YTHDF1: variants seen among roughly 807,000 people sequenced by gnomAD.
The protein encoded by YTHDF1 is YTH N6-methyladenosine RNA binding protein F1.
Under a neutral mutation model 49.1 loss-of-function variants are expected in YTHDF1, and 16 were observed. That is an observed-to-expected ratio of 0.33 (90% confidence interval 0.22 to 0.49). The LOEUF is 0.49. Among genes scored for constraint, YTHDF1 ranks in the 20% least tolerant of loss-of-function variants. The pLI, the probability that YTHDF1 is intolerant of heterozygous loss-of-function variation, is 0.99. For synonymous variants in YTHDF1, 313 were observed against 290.1 expected (o/e 1.08, Z -0.80); for missense variants, 621 against 744.3 (o/e 0.83, Z 1.93).
intron 4 of YTHDF1, among the ~76,000 whole-genome samples, chr20:63,201,971 C>T (rs1452619493): frequency 2.0e-5 from 3 of 152,246 alleles, no homozygotes; most frequent in Admixed American, 6.5e-5. Flanking sequence ...GAGAAAGTTA[C>T]CCTCAAATTC....
rs1317481941 is a variant in YTHDF1, at chr20:63,196,590, A to C, written c.*118T>G. 5.8e-6 allele frequency: 7 copies of C among 1,202,920 alleles called. No individual in the cohort carries two copies. The highest frequency in any genetic ancestry group is 8.3e-6 in the Non-Finnish European group (7 of 843,986). 74.5% of individuals were successfully genotyped at this position (1,202,920 alleles called of 1,614,324 possible). On this transcript the variant is annotated 3_prime_UTR_variant, in exon 5 of 5. Transcript: ENST00000370339. ...TCTGGGCAAAAATCAACGACAAGAA[A>C]GGCAAAGATGCAACACTCAACCCCC...
rs956691975 is a variant in YTHDF1, at chr20:63,203,992, G to A, written c.133-185C>T. Among the ~76,000 whole-genome samples the A allele has an allele frequency of 3.9e-5, 6 of 152,166 alleles. No homozygotes were observed. Among genetic ancestry groups the A allele is most frequent in the African/African-American group, 7.2e-5 (3 of 41,424 alleles). ...AAATCAAGACAGAGAAATTAATAACGAACACAAACCAGGGTGCCGTCTCAA... is the reference window on the plus strand; with the variant it reads ...AAATCAAGACAGAGAAATTAATAACAAACACAAACCAGGGTGCCGTCTCAA... On this transcript the variant is annotated intron_variant, in intron 3 of 4. Transcript: ENST00000370339. This position sits in a 1 kb window ranked among gnomAD's most constrained non-coding sequence, Gnocchi z 4.4.
At chr20:63,209,976 T>A (rs2122988660) in intron 3 of YTHDF1, among the ~76,000 whole-genome samples, 2 of 152,266 alleles carry the variant, frequency 1.3e-5, no homozygotes, top group South Asian at 4.2e-4. Flanking sequence ...GTATAGCAAA[T>A]ACACAAAGTA....
chr20:63,212,259 G>A (rs1273501731), intron 3 of YTHDF1, among the ~76,000 whole-genome samples: 1 of 152,180 alleles, frequency 6.6e-6, no homozygotes, highest in Non-Finnish European at 1.5e-5. Context: ...GCGGGGCAGC[G>A]CTGCCGAGGC....
chr20:63,215,636 C>A, intron 1 of YTHDF1, 35 bp from the exon 2 acceptor site: 1 of 1,593,504 alleles, frequency 6.3e-7, no homozygotes, highest in Non-Finnish European at 8.5e-7. Flanking sequence ...GGGGTACACA[C>A]AACCCGGGGG....
At chr20:63,213,964 A>G (rs1312841802) in intron 2 of YTHDF1, 21 bp from the exon 3 acceptor site, 6 of 1,568,900 alleles carry the variant, frequency 3.8e-6, no homozygotes, top group Non-Finnish European at 5.1e-6. Context: ...AAGTTGCAAA[A>G]TATTACCCTC....
Position 63,213,940 on chromosome 20 carries a change from T to C in YTHDF1, c.56A>G (p.Gln19Arg), listed in dbSNP as rs772523763. 6.4e-7 allele frequency: 1 copy of C among 1,571,536 alleles called. No homozygotes were observed. Among genetic ancestry groups the C allele is most frequent in the East Asian group, 2.3e-5 (1 of 43,012 alleles). Residue 19 changes from glutamine to arginine, a missense_variant, in exon 3 of 5, where the codon CAA becomes CGA. This residue lies in a region of YTHDF1 where 470 missense variants were observed against 495.8 expected (regional missense o/e 0.95). Transcript: ENST00000370339. Reference protein sequence around the residue: ...QRTKGQDNKVQNGSLHQKDTV... With the variant: ...QRTKGQDNKVRNGSLHQKDTV... ...ATCCTTCTGATGTAACGAACCATTT[T>C]GTACTAGAACAAAAAGTTGCAAAAT...
intron 3 of YTHDF1, among the ~76,000 whole-genome samples, chr20:63,211,986 C>T (rs1433936056): frequency 6.6e-6 from 1 of 151,166 alleles, no homozygotes; most frequent in Admixed American, 6.6e-5. Context: ...CACACACACA[C>T]ACACACACAC....
rs780492557 is a variant in YTHDF1 at position 63,215,581 on chromosome 20, A to G, written c.48T>C (p.Asn16=). 1 of 1,612,396 alleles carries G rather than the reference A, an allele frequency of 6.2e-7. No homozygotes were observed. The highest frequency in any genetic ancestry group is 1.1e-5 in the South Asian group (1 of 91,004). The change falls in exon 2 of 5, where the codon AAT becomes AAC. Residue 16 remains asparagine, a synonymous_variant. Coordinates refer to ENST00000370339, the MANE Select transcript of YTHDF1 (RefSeq NM_017798.4). ...VDTQRTKGQD[N]KVQNGSLHQK... is the part of the protein sequence containing the mutation. ...CCGTCCCGGGACTCCGCTCACCTTTATTATCTTGTCCTTTTGTTCTCTGCA... is the reference window on the plus strand; with the variant it reads ...CCGTCCCGGGACTCCGCTCACCTTTGTTATCTTGTCCTTTTGTTCTCTGCA...
chr20:63,202,448 C>T lies in YTHDF1; in HGVS notation c.1492G>A (p.Asp498Asn), dbSNP rs778310787. The T allele has an allele frequency of 3.1e-6, 5 of 1,614,136 alleles. No homozygotes were observed. The highest frequency in any genetic ancestry group is 3.3e-5 in the Admixed American group (2 of 60,014). The change falls in exon 4 of 5, where the codon GAC becomes AAC. Residue 498 changes from aspartate (D) to asparagine (N), a missense_variant. By Grantham distance (23) the Asp-to-Asn change is conservative. This residue lies in a region of YTHDF1 where 151 missense variants were observed against 248.5 expected (regional missense o/e 0.61). Transcript: ENST00000370339. ...QLRHIRLENN[D>N]NKPVTNSRDT... ...CGGGAGTTTGTGACCGGTTTGTTGT[C>T]GTTATTCTCCAGCCTGATGTGCCGG... is the stretch of plus-strand genomic sequence containing the variant.
At chr20:63,212,658 A>G (rs921206254) in intron 3 of YTHDF1, among the ~76,000 whole-genome samples, 4 of 152,250 alleles carry the variant, frequency 2.6e-5, no homozygotes, top group Non-Finnish European at 4.4e-5. Context: ...ACTCTTAGAC[A>G]TAAACAGATA....
At position 63,202,605 on chromosome 20, in the gene YTHDF1, A is replaced by G. The variant is rs776261581; in HGVS notation, c.1335T>C (p.His445=). The part of the protein sequence containing the change: ...YLLFSVNGSG[H]FCGVAEMKSP... ...ACTTCATCTCGGCCACCCCACAAAA[A>G]TGCCCACTCCCATTGACGCTGAAGA... The change falls in exon 4 of 5, where the codon CAT becomes CAC. Residue 445 remains histidine, a synonymous_variant. Transcript: ENST00000370339. 5.0e-6 allele frequency: 8 copies of G among 1,614,082 alleles called. No individual in the cohort carries two copies. The Admixed American group carries it at 1.0e-4, about 20-fold the overall frequency.
intron 4 of YTHDF1, among the ~76,000 whole-genome samples, chr20:63,198,634 CAA>C (rs11478753): frequency 3.7e-4 from 54 of 144,502 alleles, no homozygotes; most frequent in African/African-American, 6.1e-4. Context: ...TAAAATTTCT[CAA>C]AAAAAAAAAA....
chr20:63,196,699 G>A lies in YTHDF1; in HGVS notation c.*9C>T. 1.2e-6 allele frequency: 2 copies of A among 1,613,984 alleles called. No homozygotes were observed. Among genetic ancestry groups the A allele is most frequent in the African/African-American group, 1.3e-5 (1 of 75,042 alleles). ...CAAACGTTAGAACATGTAAGAAACT[G>A]GTTCGCCCTCATTGTTTGTTTCGAC... On this transcript the variant is annotated 3_prime_UTR_variant, in exon 5 of 5. Coordinates refer to ENST00000370339, the MANE Select transcript of YTHDF1 (RefSeq NM_017798.4).
chr20:63,212,072 T>C (rs955414642), intron 3 of YTHDF1, among the ~76,000 whole-genome samples: 1 of 151,644 alleles, frequency 6.6e-6, no homozygotes, highest in Non-Finnish European at 1.5e-5. Flanking sequence ...CATAATACCA[T>C]TAAAGTACTA....
Position 63,203,901 on chromosome 20 carries a change from A to T in YTHDF1, c.133-94T>A. ...TTGCTTAAGCACAGGTGGAGCAAAA[A>T]CAAAACCTGCACAGCATGGGGCTAC... On this transcript the variant is annotated intron_variant, in intron 3 of 4. Transcript: ENST00000370339. The surrounding 1 kb of genome is among the most constrained non-coding windows in gnomAD (Gnocchi z 4.4). 1.6e-6 allele frequency: 2 copies of T among 1,220,684 alleles called. No homozygotes were observed. The allele number at this position is 1,220,684 out of a possible 1,614,324, so 75.6% of individuals were successfully genotyped here. A position where few individuals can be genotyped will look rare whatever the true frequency, so the allele number is the denominator to read the frequency against.
rs771528183 is a variant in YTHDF1 at position 63,202,305 on chromosome 20, C to T, written c.1635G>A (p.Glu545=). Residue 545 remains glutamate (E), a synonymous_variant, in exon 4 of 5, where the codon GAG becomes GAA. Transcript: ENST00000370339. ...DFAHYEKRQE[E]EEVVRKERQS... ...GCCTCACCTTGCGCACCACCTCCTC[C>T]TCCTCCTGGCGCTTCTCGTAGTGAG... 1.2e-6 allele frequency: 2 copies of T among 1,613,226 alleles called. No homozygotes were observed. The highest frequency in any genetic ancestry group is 1.3e-5 in the African/African-American group (1 of 75,056).
At chr20:63,200,557 A>G (rs2066512785) in intron 4 of YTHDF1, among the ~76,000 whole-genome samples, 1 of 152,148 alleles carries the variant, frequency 6.6e-6, no homozygotes. Context: ...GCCTTGGAGC[A>G]CCCAGTGGTT....
At chr20:63,215,780 C>A in intron 1 of YTHDF1, 86 bp downstream of exon 1, 1 of 1,408,666 alleles carries the variant, frequency 7.1e-7, no homozygotes, top group Admixed American at 3.2e-5. Context: ...CTCCGCGACC[C>A]CGGGCTCTGC....
Sources: gnomAD v4.1 joint callset for allele counts (sites outside exome capture counted in the v4.1 genomes callset) on GRCh38, gnomAD v4.1.1 for gene constraint, gnomAD v4.1.1 regional missense constraint, Gnocchi (gnomAD v3.1) non-coding constraint, MANE v1.5 for transcripts, NCBI Gene and HGNC (gene_info 2026-07-23, HGNC 2026-07-21) for gene names.